GRIP2: variants seen among roughly 807,000 people sequenced by gnomAD.
GRIP2 encodes glutamate receptor-interacting protein 2.
In GRIP2, 58 loss-of-function variants were observed where a neutral mutation model predicts 108.3. The observed-to-expected ratio is 0.54, with a 90% CI of 0.43 to 0.67. GRIP2 has a LOEUF of 0.67. GRIP2 is among the 30% of genes least tolerant of loss of function. The pLI, the probability that GRIP2 is intolerant of heterozygous loss-of-function variation, is 0.00. For missense variants in GRIP2, 1,278 were observed against 1,430.6 expected, an observed-to-expected ratio of 0.89 and a Z score of 1.72; for synonymous variants, 586 against 598.2, an observed-to-expected ratio of 0.98 and a Z score of 0.30.
At chr3:14,506,655 G>T in intron 19 of GRIP2, 146 bp downstream of exon 19, 2 of 712,642 alleles carry the variant, frequency 2.8e-6, no homozygotes, top group South Asian at 5.1e-5. Flanking sequence ...AGCCAAATCA[G>T]GTCTTCCTTC....
intron 17 of GRIP2, 88 bp downstream of exon 17, chr3:14,509,732 A>T: frequency 3.2e-6 from 4 of 1,266,930 alleles, no homozygotes. Context: ...AACAGAGGTC[A>T]GAATCTTGCT....
chr3:14,552,746 C>T (rs757545007), intron 1 of GRIP2, among the ~76,000 whole-genome samples: 5 of 152,054 alleles, frequency 3.3e-5, no homozygotes, highest in African/African-American at 4.8e-5. Context: ...GCGTGCGCCA[C>T]CACACATGGC....
At chr3:14,540,400 G>T (rs748467938), upstream of GRIP2, 1 of 1,608,084 alleles carries the variant, frequency 6.2e-7, no homozygotes, top group Non-Finnish European at 8.5e-7. The surrounding 1 kb of genome is among the most constrained non-coding windows in gnomAD (Gnocchi z 4.1). Context: ...GCTGTGGGAG[G>T]GAAGCTCACA....
At chr3:14,542,106 T>A (rs778799448), upstream of GRIP2, 27 of 1,286,566 alleles carry the variant, frequency 2.1e-5, no homozygotes, top group Admixed American at 1.5e-4. Flanking sequence ...TGGAGTTAGA[T>A]CTGCCCCTTC....
chr3:14,531,852 G>A (rs879291077), intron 1 of GRIP2, among the ~76,000 whole-genome samples: 2 of 152,168 alleles, frequency 1.3e-5, no homozygotes, highest in Non-Finnish European at 2.9e-5. Flanking sequence ...GCTGACACGG[G>A]CAAGAACAGG....
intron 22 of GRIP2, among the ~76,000 whole-genome samples, chr3:14,495,467 C>T (rs1470343864): frequency 3.9e-5 from 6 of 152,144 alleles, no homozygotes; most frequent in African/African-American, 9.7e-5. Flanking sequence ...AGTGCAACGG[C>T]GTGATCTCAG....
chr3:14,493,197 A>T lies in GRIP2; in HGVS notation c.*468T>A, dbSNP rs377754361. On this transcript the variant is annotated 3_prime_UTR_variant, in exon 24 of 24. Coordinates refer to ENST00000621039, the MANE Select transcript of GRIP2 (RefSeq NM_001080423.4). ...CATCATGGGAATGCCTCATACCCCA[A>T]TGCATGACTGCGCTGGGGTATCCAG... 2 of 157,178 alleles carry T rather than the reference A, an allele frequency of 1.3e-5. No individual in the cohort carries two copies. Among genetic ancestry groups the T allele is most frequent in the African/African-American group, 4.8e-5 (2 of 41,622 alleles). The allele number at this position is 157,178 out of a possible 1,614,324, so 9.7% of individuals were successfully genotyped here.
At chr3:14,504,085 C>T (rs1346651957) in intron 20 of GRIP2, 2 of 220,830 alleles carry the variant, frequency 9.1e-6, no homozygotes, top group African/African-American at 2.3e-5. Flanking sequence ...GAGCTGGGGC[C>T]AGCAAGGACA....
At chr3:14,586,092 C>T in the GRIP2 span, among the ~76,000 whole-genome samples, 19 of 152,334 alleles carry the variant, frequency 1.2e-4, no homozygotes, top group African/African-American at 4.1e-4. Context: ...TGCACTCTTG[C>T]CCCAGGGCCT....
chr3:14,525,335 G>C, intron 3 of GRIP2, 102 bp downstream of exon 3: 4 of 1,411,338 alleles, frequency 2.8e-6, no homozygotes, highest in Non-Finnish European at 3.9e-6. Flanking sequence ...ACAGCTGCCT[G>C]ATTGCTTTGC....
At chr3:14,558,775 TC>T (rs1695276910), upstream of GRIP2, among the ~76,000 whole-genome samples, 1 of 152,050 alleles carries the variant, frequency 6.6e-6, no homozygotes, top group Admixed American at 6.5e-5. Flanking sequence ...CCCACAGGCC[TC>T]AGGGCCCACT....
chr3:14,522,966 G>C lies in GRIP2; in HGVS notation c.566+34C>G, dbSNP rs752460042. On this transcript the variant is annotated intron_variant, in intron 6 of 23. Coordinates refer to ENST00000621039, the MANE Select transcript of GRIP2 (RefSeq NM_001080423.4). The surrounding 1 kb of genome is among the most constrained non-coding windows in gnomAD (Gnocchi z 4.3). ...TTCGCAGGGGAGTTGGGGCAGGTCA[G>C]TGCAGTGTGTGGATTTCTTCTGCCT... 1.9e-6 allele frequency: 3 copies of C among 1,585,792 alleles called. No homozygotes were observed. Among genetic ancestry groups the C allele is most frequent in the Middle Eastern group, 1.7e-4 (1 of 5,998 alleles).
rs35854097 is a variant in GRIP2 at position 14,490,720 on chromosome 3, G to A, written c.*2945C>T. 16,263 of 152,298 alleles carry A rather than the reference G, an allele frequency of 0.11. 973 individuals are homozygous for A. The highest frequency in any genetic ancestry group is 0.13 in the Non-Finnish European group (9,017 of 68,040). The allele number at this position is 152,298 out of a possible 1,614,324, so 9.4% of individuals were successfully genotyped here. A position where few individuals can be genotyped will look rare whatever the true frequency, so the allele number is the denominator to read the frequency against. ...GGCCTTCTTTCTCTTCCTTGAGACC[G>A]TCAAACTCGTTCCTATCTCAGGGCC... is the stretch of plus-strand genomic sequence containing the variant. On this transcript the variant is annotated 3_prime_UTR_variant, in exon 24 of 24. Transcript: ENST00000621039.
Position 14,520,551 on chromosome 3 carries a change from GAA to G in GRIP2, c.713-16_713-15del. ...TAGCCACCGTGTCTGGCATGACGGA[GAA>G]AAAAAGTTTGAAATGCAAATACCGA... On this transcript the variant is annotated splice_polypyrimidine_tract_variant and intron_variant, in intron 7 of 23. Coordinates refer to ENST00000621039, the MANE Select transcript of GRIP2 (RefSeq NM_001080423.4). 6.2e-7 allele frequency: 1 copy of G among 1,613,132 alleles called. No homozygotes were observed. Among genetic ancestry groups the G allele is most frequent in the Non-Finnish European group, 8.5e-7 (1 of 1,179,444 alleles).
At chr3:14,564,951 C>A in the GRIP2 span, among the ~76,000 whole-genome samples, 6 of 152,238 alleles carry the variant, frequency 3.9e-5, no homozygotes, top group African/African-American at 1.4e-4. Context: ...CAGCTCCGTG[C>A]GAGCATGTGG....
intron 3 of GRIP2, among the ~76,000 whole-genome samples, chr3:14,524,758 G>A (rs1344485107): frequency 6.6e-6 from 1 of 152,184 alleles, no homozygotes; most frequent in Non-Finnish European, 1.5e-5. Flanking sequence ...CCCTTCGCTG[G>A]TCTGCCTGCT....
chr3:14,548,482 T>A (rs1461949202), intron 1 of GRIP2, among the ~76,000 whole-genome samples: 2 of 152,020 alleles, frequency 1.3e-5, no homozygotes, highest in African/African-American at 2.4e-5. Flanking sequence ...AATCAAGGCA[T>A]GAGGGTAGTG....
At position 14,521,596 on chromosome 3, in the gene GRIP2, C is replaced by T; in HGVS notation, c.712+46G>A. 2 of 1,548,954 alleles carry T rather than the reference C, an allele frequency of 1.3e-6. No homozygotes were observed. Among genetic ancestry groups the T allele is most frequent in the East Asian group, 2.3e-5 (1 of 42,854 alleles). ...TGGCCACTGCCACCTCCCCCCATCC[C>T]AGGCCTCCTCCTGCCCCAACCCACA... On this transcript the variant is annotated intron_variant, in intron 7 of 23. Coordinates refer to ENST00000621039, the MANE Select transcript of GRIP2 (RefSeq NM_001080423.4). The surrounding 1 kb of genome is among the most constrained non-coding windows in gnomAD (Gnocchi z 5.1).
At chr3:14,589,628 A>T in the GRIP2 span, among the ~76,000 whole-genome samples, 1 of 152,136 alleles carries the variant, frequency 6.6e-6, no homozygotes, top group African/African-American at 2.4e-5. Context: ...TCTAGAATAG[A>T]TACTTGGAGA....
Sources: gnomAD v4.1 joint callset for allele counts (sites outside exome capture counted in the v4.1 genomes callset) on GRCh38, gnomAD v4.1.1 for gene constraint, Gnocchi (gnomAD v3.1) non-coding constraint, MANE v1.5 for transcripts, NCBI Gene and HGNC (gene_info 2026-07-23, HGNC 2026-07-21) for gene names.